The following SKAP1 variants were observed in gnomAD, a reference collection of about 807,000 sequenced individuals.
SKAP1 encodes the protein src kinase-associated phosphoprotein 1.
SKAP1 carries 44 observed loss-of-function variants against 58.5 expected under a neutral mutation model. The ratio of observed to expected loss-of-function variants is 0.75; its 90% CI spans 0.59 to 0.97. The LOEUF (loss-of-function observed/expected upper bound fraction) is 0.97, where lower values mean the gene tolerates loss of function less well. Among genes scored for constraint, SKAP1 ranks in the 50% least tolerant of loss-of-function variants. The pLI is 0.00. For synonymous variants in SKAP1, 127 were observed against 149.7 expected (o/e 0.85, Z 1.11); for missense variants, 390 against 435.2 (o/e 0.90, Z 0.92).
intron 4 of SKAP1, among the ~76,000 whole-genome samples, chr17:48,293,192 C>A (rs910469552): frequency 9.9e-5 from 15 of 152,052 alleles, no homozygotes; most frequent in Non-Finnish European, 1.8e-4. Flanking sequence ...AAATTAACTT[C>A]TTTATGTATT....
chr17:48,393,728 C>T (rs2144522161), intron 2 of SKAP1, among the ~76,000 whole-genome samples: 1 of 151,786 alleles, frequency 6.6e-6, no homozygotes, highest in East Asian at 1.9e-4. Flanking sequence ...TTAAAGGAAG[C>T]AAGGAAACAA....
intron 4 of SKAP1, among the ~76,000 whole-genome samples, chr17:48,202,188 A>G (rs894160797): frequency 6.6e-6 from 1 of 152,228 alleles, no homozygotes; most frequent in Non-Finnish European, 1.5e-5. Flanking sequence ...ACATTCAGAT[A>G]TCATCAGAGT....
intron 3 of SKAP1, among the ~76,000 whole-genome samples, chr17:48,357,450 GA>G (rs2066889271): frequency 6.6e-6 from 1 of 152,070 alleles, no homozygotes; most frequent in African/African-American, 2.4e-5. Flanking sequence ...CTAATACGGT[GA>G]AACCCTGTCT....
intron 4 of SKAP1, among the ~76,000 whole-genome samples, chr17:48,193,046 C>CTTT (rs1257354128): frequency 6.6e-6 from 1 of 151,996 alleles, no homozygotes; most frequent in South Asian, 2.1e-4. Context: ...TGCTTTCTTT[C>CTTT]TTTCTTTTTT....
chr17:48,158,371 C>T (rs1285941725), intron 11 of SKAP1, among the ~76,000 whole-genome samples: 1 of 145,884 alleles, frequency 6.9e-6, no homozygotes, highest in Non-Finnish European at 1.5e-5. Flanking sequence ...ACAGTGAAAC[C>T]CCGTCTCTAT....
At chr17:48,411,817 ACTC>A (rs2067669490) in intron 1 of SKAP1, among the ~76,000 whole-genome samples, 1 of 152,060 alleles carries the variant, frequency 6.6e-6, no homozygotes. Context: ...CCTCACCAGT[ACTC>A]CTCAAAACTG....
At chr17:48,346,606 A>G (rs1484991145) in intron 3 of SKAP1, among the ~76,000 whole-genome samples, 2 of 151,924 alleles carry the variant, frequency 1.3e-5, no homozygotes, top group African/African-American at 4.8e-5. Flanking sequence ...CCTGGGTGAC[A>G]ACAGCGAGAC....
At chr17:48,272,307 T>C (rs1023810139) in intron 4 of SKAP1, among the ~76,000 whole-genome samples, 1 of 151,988 alleles carries the variant, frequency 6.6e-6, no homozygotes, top group Non-Finnish European at 1.5e-5. Context: ...AATTTTTGTA[T>C]TTTAAATAGA....
At chr17:48,411,443 G>A (rs2067664850) in intron 1 of SKAP1, among the ~76,000 whole-genome samples, 1 of 143,630 alleles carries the variant, frequency 7.0e-6, no homozygotes, top group Non-Finnish European at 1.6e-5. Context: ...ATAAATGGGA[G>A]ACAAGAGATG....
At chr17:48,149,739 T>A (rs2063877308) in intron 11 of SKAP1, among the ~76,000 whole-genome samples, 1 of 152,182 alleles carries the variant, frequency 6.6e-6, no homozygotes, top group African/African-American at 2.4e-5. Flanking sequence ...GCACGCACAT[T>A]TAGAGAGCTC....
At chr17:48,242,945 C>T (rs1241887994) in intron 4 of SKAP1, among the ~76,000 whole-genome samples, 1 of 152,128 alleles carries the variant, frequency 6.6e-6, no homozygotes, top group African/African-American at 2.4e-5. Flanking sequence ...GGAGAAAGTT[C>T]TGTAAAAATC....
At chr17:48,404,127 A>C (rs553242130) in intron 1 of SKAP1, among the ~76,000 whole-genome samples, 1 of 150,734 alleles carries the variant, frequency 6.6e-6, no homozygotes, top group Non-Finnish European at 1.5e-5. Flanking sequence ...TGTGGTCTAC[A>C]TGGTTTAAAA....
chr17:48,326,861 A>C (rs2066443679), intron 4 of SKAP1, among the ~76,000 whole-genome samples: 1 of 151,640 alleles, frequency 6.6e-6, no homozygotes. Context: ...GTCGACCACA[A>C]GGTGTGTGAC....
chr17:48,300,823 T>G (rs1316928056), intron 4 of SKAP1, among the ~76,000 whole-genome samples: 1 of 152,232 alleles, frequency 6.6e-6, no homozygotes, highest in Non-Finnish European at 1.5e-5. Context: ...GGCCAGTCCC[T>G]GCTCCATGGC....
At chr17:48,228,612 G>A (rs1214577807) in intron 4 of SKAP1, among the ~76,000 whole-genome samples, 2 of 152,210 alleles carry the variant, frequency 1.3e-5, no homozygotes, top group Non-Finnish European at 2.9e-5. Context: ...TGTATCAGTT[G>A]CTGTTCTAAG....
intron 4 of SKAP1, among the ~76,000 whole-genome samples, chr17:48,279,681 T>C (rs960791468): frequency 6.6e-6 from 1 of 152,222 alleles, no homozygotes; most frequent in African/African-American, 2.4e-5. Flanking sequence ...CATGAATGTG[T>C]AAACATGTTA....
intron 11 of SKAP1, among the ~76,000 whole-genome samples, chr17:48,138,763 G>A (rs1162824325): frequency 4.6e-5 from 7 of 152,086 alleles, no homozygotes; most frequent in African/African-American, 1.2e-4. Flanking sequence ...TGATCCACCA[G>A]CCTCGGCCTT....
At chr17:48,416,350 A>C (rs2067731356) in intron 1 of SKAP1, among the ~76,000 whole-genome samples, 4 of 152,204 alleles carry the variant, frequency 2.6e-5, no homozygotes, top group Non-Finnish European at 5.9e-5. Flanking sequence ...AAAAGGGTAG[A>C]GGGATAGAAA....
chr17:48,390,645 T>G (rs2144512061), intron 2 of SKAP1, among the ~76,000 whole-genome samples: 1 of 152,334 alleles, frequency 6.6e-6, no homozygotes, highest in South Asian at 2.1e-4. Flanking sequence ...TTAGTCAGAC[T>G]GTAAGGGTGC....
Sources: gnomAD v4.1 joint callset for allele counts (sites outside exome capture counted in the v4.1 genomes callset) on GRCh38, gnomAD v4.1.1 for gene constraint, MANE v1.5 for transcripts, NCBI Gene and HGNC (gene_info 2026-07-23, HGNC 2026-07-21) for gene names.